ACSM3: variants seen among roughly 807,000 people sequenced by gnomAD.
ACSM3 encodes acyl-CoA synthetase medium chain family member 3.
ACSM3 carries 61 observed loss-of-function variants against 74.1 expected under a neutral mutation model. The observed-to-expected ratio is 0.82, with a 90% confidence interval of 0.67 to 1.02. The LOEUF is 1.02. ACSM3 is among the 50% of genes least tolerant of loss of function. ACSM3 has a pLI of 0.00. For synonymous variants in ACSM3, 213 were observed against 241.5 expected, an observed-to-expected ratio of 0.88 and a Z score of 1.09; for missense variants, 660 against 697.0, an observed-to-expected ratio of 0.95 and a Z score of 0.60.
intron 13 of ACSM3, 130 bp from the exon 14 acceptor site, chr16:20,796,756 G>A (rs1349529510): frequency 1.3e-6 from 2 of 1,514,340 alleles, no homozygotes; most frequent in East Asian, 2.4e-5. Context: ...TATTTTGGCT[G>A]TTACCCAAAA....
At chr16:20,739,774 T>C (rs143591896) in intron 1 of ACSM3, among the ~76,000 whole-genome samples, 2,710 of 150,812 alleles carry the variant, frequency 0.018, 78 homozygotes, top group African/African-American at 0.062. Flanking sequence ...TGAGCTGAGA[T>C]TGCACCACTG....
At chr16:20,715,696 T>G (rs1317899729) in intron 1 of ACSM3, among the ~76,000 whole-genome samples, 1 of 152,194 alleles carries the variant, frequency 6.6e-6, no homozygotes, top group Non-Finnish European at 1.5e-5. Flanking sequence ...TAAAACAGCA[T>G]CCTTAACCCT....
Position 20,738,716 on chromosome 16 carries a change from T to C in ACSM3, c.-189-11194T>C, listed in dbSNP as rs993887638. The C allele has an allele frequency of 2.3e-5, 15 of 653,720 alleles. 1 individual carries two copies. In the Middle Eastern group the frequency reaches 1.7e-3, roughly 74 times the overall value. 40.5% of individuals were successfully genotyped at this position (653,720 alleles called of 1,614,324 possible). On this transcript the variant is annotated intron_variant, in intron 1 of 3. Coordinates refer to the ACSM3 transcript ENST00000561584. Reference sequence around the variant, plus strand: ...AGCCAGGTTTCCACTCATAAGCCAATGCTACGTCCACCACCCCATTCTACC... The same window carrying C: ...AGCCAGGTTTCCACTCATAAGCCAACGCTACGTCCACCACCCCATTCTACC...
intron 1 of ACSM3, chr16:20,742,094 C>T (rs2079932668): frequency 7.8e-7 from 1 of 1,283,642 alleles, no homozygotes; most frequent in Non-Finnish European, 1.0e-6. Flanking sequence ...TCCAGCCTTC[C>T]CTATAATTCT....
At chr16:20,788,103 T>C (rs2080513759) in intron 9 of ACSM3, among the ~76,000 whole-genome samples, 1 of 152,192 alleles carries the variant, frequency 6.6e-6, no homozygotes, top group African/African-American at 2.4e-5. Flanking sequence ...TTTATTTATT[T>C]ATTTATTTTT....
In ACSM3 at chr16:20,781,144, C is replaced by A. The variant is rs773546424; in HGVS notation, c.939+14C>A. 1 of 1,613,110 alleles carries A rather than the reference C, an allele frequency of 6.2e-7. No individual in the cohort carries two copies. Among genetic ancestry groups the A allele is most frequent in the Non-Finnish European group, 8.5e-7 (1 of 1,179,546 alleles). ...TCTATCTTGCAAGTAAGCCAAAGCACAAAGAGGTCAATATTTAGAAATGCA... is the reference window on the plus strand; with the variant it reads ...TCTATCTTGCAAGTAAGCCAAAGCAAAAAGAGGTCAATATTTAGAAATGCA... On this transcript the variant is annotated intron_variant, in intron 6 of 13. Coordinates refer to ENST00000289416, the MANE Select transcript of ACSM3 (RefSeq NM_005622.4).
At chr16:20,741,481 G>GGGGGGGGGGGGGGCCGCCCCCCCCCCCC in intron 1 of ACSM3, 1 of 1,308,414 alleles carries the variant, frequency 7.6e-7, no homozygotes, top group Non-Finnish European at 9.9e-7. Flanking sequence ...CTGGCAGCCG[G>GGGGGGGGGGGGGGCCGCCCCCCCCCCCC]CCCGCCCGCC....
Position 20,786,553 on chromosome 16 carries a change from C to T in ACSM3, c.1224+395C>T, listed in dbSNP as rs143279601. Among the ~76,000 whole-genome samples the T allele has an allele frequency of 4.9e-3, 745 of 152,244 alleles. 21 individuals are homozygous for T. In the East Asian group the frequency reaches 0.075, roughly 15 times the overall value. On this transcript the variant is annotated intron_variant, in intron 9 of 13. Coordinates refer to ENST00000289416, the MANE Select transcript of ACSM3 (RefSeq NM_005622.4). ...AAAAAACTAGCCAGGCATGGTGGTACGTGCCTGTGGTCCCAGCTACTCAGA... is the reference window on the plus strand; with the variant it reads ...AAAAAACTAGCCAGGCATGGTGGTATGTGCCTGTGGTCCCAGCTACTCAGA...
chr16:20,692,452 G>A lies in ACSM3; in HGVS notation c.-190+17630G>A, dbSNP rs896644753. Among the ~76,000 whole-genome samples the A allele has an allele frequency of 2.6e-5, 4 of 152,286 alleles. No homozygotes were observed. In the East Asian group the frequency reaches 7.7e-4, roughly 29 times the overall value. On this transcript the variant is annotated intron_variant, in intron 1 of 3. Coordinates refer to the ACSM3 transcript ENST00000561584. Reference sequence around the variant, plus strand: ...TTTATTTGAAGACCTGGGATTAATGGCAAGGAATGTTCAGGTTAAGGTAAA... The same window carrying A: ...TTTATTTGAAGACCTGGGATTAATGACAAGGAATGTTCAGGTTAAGGTAAA...
intron 1 of ACSM3, chr16:20,698,723 G>A (rs1375244885): frequency 6.6e-6 from 1 of 152,068 alleles, no homozygotes; most frequent in African/African-American, 2.4e-5. Context: ...TGGCCAGGGT[G>A]GTCTTGAGCT....
Position 20,775,822 on chromosome 16 carries a change from G to A in ACSM3, c.220-17G>A. The A allele has an allele frequency of 2.5e-6, 4 of 1,612,832 alleles. No homozygotes were observed. The highest frequency in any genetic ancestry group is 1.7e-5 in the Admixed American group (1 of 59,982). On this transcript the variant is annotated splice_polypyrimidine_tract_variant and intron_variant, in intron 2 of 13. Coordinates refer to ENST00000289416, the MANE Select transcript of ACSM3 (RefSeq NM_005622.4). ...TATAACAACCTTTAAATCAATGACT[G>A]GTTTTTCTTTCCTCAGGCTGGAAAG...
chr16:20,735,377 T>G (rs1162676316), intron 1 of ACSM3: 4 of 20,734 alleles, frequency 1.9e-4, no homozygotes, highest in Non-Finnish European at 8.1e-4. Flanking sequence ...GTTTTGGGTG[T>G]TTTTTTTTTT....
intron 1 of ACSM3, chr16:20,741,479 C>CTGGGGG: frequency 7.5e-7 from 1 of 1,329,524 alleles, no homozygotes. Context: ...GCCTGGCAGC[C>CTGGGGG]GGCCCGCCCG....
intron 1 of ACSM3, among the ~76,000 whole-genome samples, chr16:20,767,729 G>A (rs944997818): frequency 3.9e-5 from 6 of 152,172 alleles, no homozygotes; most frequent in Admixed American, 1.3e-4. Flanking sequence ...GAACATAACA[G>A]ACAAGGCCCC....
chr16:20,781,853 G>C, intron 7 of ACSM3, 66 bp downstream of exon 7: 1 of 1,271,554 alleles, frequency 7.9e-7, no homozygotes, highest in Non-Finnish European at 1.1e-6. Flanking sequence ...TAAAATAAAA[G>C]ATCTTTCTGC....
intron 1 of ACSM3, among the ~76,000 whole-genome samples, chr16:20,713,875 A>G (rs2079752159): frequency 6.6e-6 from 1 of 152,210 alleles, no homozygotes; most frequent in African/African-American, 2.4e-5. Context: ...AGGGAAGGGA[A>G]AGCTGTCTCA....
intron 1 of ACSM3, among the ~76,000 whole-genome samples, chr16:20,695,293 T>C (rs749679107): frequency 1.3e-5 from 2 of 152,176 alleles, no homozygotes; most frequent in Non-Finnish European, 1.5e-5. Flanking sequence ...CATAGGCATA[T>C]TGGCAGCACC....
intron 5 of ACSM3, 55 bp downstream of exon 5, chr16:20,780,912 T>C: frequency 1.2e-6 from 2 of 1,613,068 alleles, no homozygotes; most frequent in Non-Finnish European, 1.7e-6. Flanking sequence ...GATGATGACT[T>C]ATGTACTGGT....
At chr16:20,742,813 A>ATATATATTTTTT (rs61582869) in intron 1 of ACSM3, among the ~76,000 whole-genome samples, 5 of 66,818 alleles carry the variant, frequency 7.5e-5, no homozygotes, top group Non-Finnish European at 1.6e-4. Context: ...ATATATATAT[A>ATATATATTTTTT]TTTTTTTTTT....
Sources: allele counts gnomAD v4.1 joint callset (sites outside exome capture counted in the v4.1 genomes callset), GRCh38; gene constraint gnomAD v4.1.1; transcripts MANE v1.5; gene names NCBI Gene and HGNC (gene_info 2026-07-23, HGNC 2026-07-21).